The following FAS variants were observed in gnomAD, a reference collection of about 807,000 sequenced individuals.
The protein encoded by FAS is tumor necrosis factor receptor superfamily member 6.
FAS carries 5 observed loss-of-function variants against 33.2 expected under a neutral mutation model. The ratio of observed to expected loss-of-function variants is 0.15; its 90% CI spans 0.08 to 0.32. The LOEUF (loss-of-function observed/expected upper bound fraction) is 0.32, where lower values mean the gene tolerates loss of function less well. Ranked by LOEUF, FAS falls within the 10% of genes least tolerant of loss-of-function variation. The pLI is 1.00. For synonymous variants in FAS, 131 were observed against 130.7 expected (o/e 1.00, Z -0.01); for missense variants, 339 against 386.0 (o/e 0.88, Z 1.02).
chr10:89,005,831 G>A (rs566943961), intron 2 of FAS, among the ~76,000 whole-genome samples: 24 of 152,144 alleles, frequency 1.6e-4, no homozygotes, highest in Non-Finnish European at 1.8e-4. Flanking sequence ...TAGAGGCGGG[G>A]TTTCACCATG....
At chr10:89,013,993 G>C in intron 8 of FAS, 126 bp from the exon 9 acceptor site, 1 of 944,432 alleles carries the variant, frequency 1.1e-6, no homozygotes, top group Non-Finnish European at 1.6e-6. Context: ...CCCCTAGTCA[G>C]CTCTTCATAG....
upstream of FAS, among the ~76,000 whole-genome samples, chr10:88,988,018 C>G (rs566231748): frequency 1.3e-5 from 2 of 152,128 alleles, no homozygotes; most frequent in African/African-American, 4.8e-5. Flanking sequence ...TGGACTTGAA[C>G]TATAACTTTT....
chr10:89,008,164 C>A (rs1001363240), intron 3 of FAS, among the ~76,000 whole-genome samples: 1 of 152,112 alleles, frequency 6.6e-6, no homozygotes, highest in Non-Finnish European at 1.5e-5. Context: ...TCGTTCATGG[C>A]CAGAAAAATT....
At chr10:88,970,693 G>A (rs1189563098) in intron 1 of FAS, among the ~76,000 whole-genome samples, 2 of 152,120 alleles carry the variant, frequency 1.3e-5, no homozygotes, top group African/African-American at 4.8e-5. Context: ...CACAGGAAGA[G>A]GAACATCACA....
intron 1 of FAS, among the ~76,000 whole-genome samples, chr10:88,996,601 G>A (rs9658694): frequency 0.025 from 3,742 of 152,074 alleles, 146 homozygotes; most frequent in African/African-American, 0.085. Flanking sequence ...AAGTGTTCTC[G>A]CCACACACAC....
In FAS at chr10:89,008,885, C is replaced by T; in HGVS notation, c.335-4C>T. ...AACTAATAGTTTCCAAACTGATTTT[C>T]TAGGCTTAGAAGTGGAAATAAACTG... is the stretch of plus-strand genomic sequence containing the variant. On this transcript the variant is annotated splice_region_variant and splice_polypyrimidine_tract_variant and intron_variant, in intron 3 of 8. Coordinates refer to ENST00000652046, the MANE Select transcript of FAS (RefSeq NM_000043.6). The T allele has an allele frequency of 1.2e-6, 2 of 1,613,600 alleles. No individual in the cohort carries two copies. The highest frequency in any genetic ancestry group is 1.7e-6 in the Non-Finnish European group (2 of 1,179,568).
At chr10:88,983,186 T>A (rs568069584), upstream of FAS, among the ~76,000 whole-genome samples, 4 of 152,348 alleles carry the variant, frequency 2.6e-5, no homozygotes, top group South Asian at 8.3e-4. Flanking sequence ...TTTGCATGGC[T>A]ATGTGAGCTA....
upstream of FAS, among the ~76,000 whole-genome samples, chr10:88,985,487 G>A (rs562838617): frequency 6.6e-6 from 1 of 152,176 alleles, no homozygotes; most frequent in African/African-American, 2.4e-5. Context: ...AAGTGCTCTG[G>A]GGCTCCTCCC....
intron 2 of FAS, among the ~76,000 whole-genome samples, chr10:88,979,803 G>A (rs1278885531): frequency 1.3e-5 from 2 of 152,152 alleles, no homozygotes; most frequent in Non-Finnish European, 2.9e-5. Context: ...AATGCCAGGA[G>A]GATCCAGAGA....
intron 2 of FAS, among the ~76,000 whole-genome samples, chr10:88,978,580 T>C (rs1292972421): frequency 6.6e-6 from 1 of 152,104 alleles, no homozygotes; most frequent in Non-Finnish European, 1.5e-5. Context: ...TCTGTTCTAT[T>C]GAAAGCCAAT....
At chr10:88,991,187 C>G in intron 1 of FAS, 2 of 573,300 alleles carry the variant, frequency 3.5e-6, no homozygotes. Flanking sequence ...CGGCGCTCCT[C>G]GGAGACCACT....
chr10:88,968,937 T>C (rs1345861333), intron 1 of FAS, among the ~76,000 whole-genome samples: 1 of 152,140 alleles, frequency 6.6e-6, no homozygotes, highest in Admixed American at 6.5e-5. Context: ...AGGTTTGGTA[T>C]TCATAAAACA....
chr10:89,014,006 C>G, intron 8 of FAS, 113 bp from the exon 9 acceptor site: 2 of 1,117,646 alleles, frequency 1.8e-6, no homozygotes, highest in Non-Finnish European at 2.6e-6. Flanking sequence ...CTTCATAGAC[C>G]TTTAGGACTT....
intron 1 of FAS, among the ~76,000 whole-genome samples, chr10:88,970,109 T>C (rs1278737835): frequency 6.6e-6 from 1 of 152,198 alleles, no homozygotes; most frequent in Non-Finnish European, 1.5e-5. Flanking sequence ...AGTCCATAAA[T>C]CCCTTATACT....
intron 1 of FAS, among the ~76,000 whole-genome samples, chr10:88,999,438 T>C (rs892468541): frequency 5.3e-5 from 8 of 152,224 alleles, no homozygotes; most frequent in Non-Finnish European, 1.0e-4. Context: ...AAGCTAAGCA[T>C]TTTATTTTAT....
chr10:89,009,288 T>G (rs978480312), intron 4 of FAS, among the ~76,000 whole-genome samples: 1 of 152,196 alleles, frequency 6.6e-6, no homozygotes, highest in Admixed American at 6.5e-5. Context: ...TTCAACAGCA[T>G]GAGAATAGCA....
intron 1 of FAS, among the ~76,000 whole-genome samples, chr10:89,001,335 G>A (rs1352233516): frequency 6.6e-6 from 1 of 151,540 alleles, no homozygotes; most frequent in Non-Finnish European, 1.5e-5. Flanking sequence ...AAAACAGGGG[G>A]TAAGAAGGTA....
chr10:88,995,152 A>G (rs7069061), intron 1 of FAS, among the ~76,000 whole-genome samples: 86,954 of 151,754 alleles, frequency 0.57, 26,254 homozygotes, highest in African/African-American at 0.78. Context: ...TATTTTCTGG[A>G]AAATCCTTGC....
At chr10:88,987,961 G>A (rs75037807), upstream of FAS, among the ~76,000 whole-genome samples, 1 of 151,880 alleles carries the variant, frequency 6.6e-6, no homozygotes, top group Non-Finnish European at 1.5e-5. Flanking sequence ...AAAAAAAAAA[G>A]ACTGACTTCC....
Sources: allele counts gnomAD v4.1 joint callset (sites outside exome capture counted in the v4.1 genomes callset), GRCh38; gene constraint gnomAD v4.1.1; transcripts MANE v1.5; gene names NCBI Gene and HGNC (gene_info 2026-07-23, HGNC 2026-07-21).